The following PTPA variants were observed in gnomAD, a reference collection of about 807,000 sequenced individuals.
PTPA encodes protein phosphatase 2 phosphatase activator.
A neutral mutation model predicts 43.6 loss-of-function variants in PTPA; 13 were observed. The observed-to-expected ratio is 0.30, with a 90% CI of 0.19 to 0.47. The LOEUF (loss-of-function observed/expected upper bound fraction) is 0.47, where lower values mean the gene tolerates loss of function less well. PTPA is among the 20% of genes least tolerant of loss of function. The pLI is 0.99. For missense variants in PTPA, 329 were observed against 411.9 expected (o/e 0.80, Z 1.74); for synonymous variants, 172 against 158.2 (o/e 1.09, Z -0.66).
intron 1 of PTPA, among the ~76,000 whole-genome samples, chr9:129,118,711 C>T (rs1429516985): frequency 1.3e-5 from 2 of 151,182 alleles, no homozygotes; most frequent in Non-Finnish European, 2.9e-5. Context: ...GATGGGGTCT[C>T]GCTGTGTTGC....
intron 3 of PTPA, among the ~76,000 whole-genome samples, chr9:129,128,235 T>C (rs1849710778): frequency 6.6e-6 from 1 of 152,096 alleles, no homozygotes; most frequent in Admixed American, 6.6e-5. Context: ...CAGAAGGGTA[T>C]GTTAAAATGT....
At chr9:129,137,405 G>A (rs774877388) in intron 7 of PTPA, among the ~76,000 whole-genome samples, 187 bp from the exon 8 acceptor site, 2 of 152,236 alleles carry the variant, frequency 1.3e-5, no homozygotes, top group Non-Finnish European at 2.9e-5. Context: ...TGCGTCCAAC[G>A]CCATGCAGCT....
chr9:129,121,000 A>G (rs531663079), intron 2 of PTPA, among the ~76,000 whole-genome samples: 2 of 152,240 alleles, frequency 1.3e-5, no homozygotes, highest in East Asian at 3.9e-4. Context: ...AGGCTATCTC[A>G]TGGAAACTTT....
intron 1 of PTPA, among the ~76,000 whole-genome samples, chr9:129,113,071 A>AC (rs1247530077): frequency 4.0e-5 from 1 of 25,120 alleles, no homozygotes; most frequent in Non-Finnish European, 1.9e-4. Context: ...AAAAAGTCGC[A>AC]AAAAAAAAAA....
chr9:129,118,700 A>T (rs1029479064), intron 1 of PTPA, among the ~76,000 whole-genome samples: 8 of 151,242 alleles, frequency 5.3e-5, no homozygotes, highest in Admixed American at 2.6e-4. Flanking sequence ...TTTAAAGTAG[A>T]GATGGGGTCT....
chr9:129,135,607 A>C (rs906183222), intron 6 of PTPA, among the ~76,000 whole-genome samples: 7 of 152,230 alleles, frequency 4.6e-5, no homozygotes, highest in African/African-American at 1.4e-4. Flanking sequence ...CCAGGTAGTC[A>C]GACTCTGACC....
rs545028610 is a variant in PTPA, at chr9:129,114,256, C to G, written c.31+2625C>G. Among the ~76,000 whole-genome samples the G allele has an allele frequency of 6.6e-5, 10 of 152,324 alleles. 1 individual carries two copies. Among genetic ancestry groups the G allele is most frequent in the African/African-American group, 2.4e-4 (10 of 41,580 alleles). On this transcript the variant is annotated intron_variant, in intron 1 of 9. Transcript: ENST00000393370. ...CAGGCTGGTCTCGAACTCCTGGCCT[C>G]AAGTAATTCACCCGCCTTGGCCACC...
intron 5 of PTPA, among the ~76,000 whole-genome samples, chr9:129,132,525 G>C (rs777953261): frequency 1.3e-5 from 2 of 152,124 alleles, no homozygotes; most frequent in Non-Finnish European, 2.9e-5. Context: ...ATTTGAGACA[G>C]AGTCTCACTC....
intron 8 of PTPA, among the ~76,000 whole-genome samples, chr9:129,138,557 G>A (rs1256251804): frequency 6.6e-6 from 1 of 152,166 alleles, no homozygotes; most frequent in Non-Finnish European, 1.5e-5. Flanking sequence ...CCCTCGCTCA[G>A]CTATCTGGAG....
intron 9 of PTPA, among the ~76,000 whole-genome samples, chr9:129,144,629 C>CTCGGGAGGCAGAGGCAGGAGAATGGCG (rs1851167850): frequency 6.6e-6 from 1 of 151,092 alleles, no homozygotes; most frequent in Admixed American, 6.6e-5. Flanking sequence ...GTCCCAGCTA[C>CTCGGGAGGCAGAGGCAGGAGAATGGCG]TCGGGAGGCA....
chr9:129,128,781 A>G (rs913934386), intron 3 of PTPA, among the ~76,000 whole-genome samples: 3 of 152,158 alleles, frequency 2.0e-5, no homozygotes, highest in Non-Finnish European at 4.4e-5. Context: ...CCATCAGCCT[A>G]GTGTGCTTCC....
chr9:129,136,689 T>A, intron 7 of PTPA, 94 bp downstream of exon 7: 1 of 1,393,740 alleles, frequency 7.2e-7, no homozygotes, highest in Non-Finnish European at 9.6e-7. Context: ...CCTTCCCTTC[T>A]TCCTGCCCAG....
At chr9:129,131,378 C>T in intron 4 of PTPA, 144 bp from the exon 5 acceptor site, 1 of 665,202 alleles carries the variant, frequency 1.5e-6, no homozygotes, top group Non-Finnish European at 2.7e-6. Context: ...TGTCCCTCCC[C>T]TTCCTTCTGT....
At chr9:129,133,506 A>G (rs1427624988) in intron 5 of PTPA, among the ~76,000 whole-genome samples, 1 of 152,252 alleles carries the variant, frequency 6.6e-6, no homozygotes, top group African/African-American at 2.4e-5. Context: ...GAGACAGGAC[A>G]GAAGTATTCT....
chr9:129,142,860 T>C (rs1316709145), intron 9 of PTPA: 2 of 1,525,426 alleles, frequency 1.3e-6, no homozygotes, highest in East Asian at 4.9e-5. Flanking sequence ...CCTTCTCCTT[T>C]ATCAAGTGGC....
chr9:129,112,958 C>T (rs555204738), intron 1 of PTPA, among the ~76,000 whole-genome samples: 89 of 151,652 alleles, frequency 5.9e-4, no homozygotes, highest in African/African-American at 2.1e-3. Context: ...AAAAAAAAAC[C>T]GGGGTGTCCA....
At chr9:129,140,559 C>T (rs541678457) in intron 8 of PTPA, among the ~76,000 whole-genome samples, 88 of 152,324 alleles carry the variant, frequency 5.8e-4, no homozygotes, top group African/African-American at 2.1e-3. Context: ...CGAGGCTGGC[C>T]AGGAGGCAGG....
At position 129,120,502 on chromosome 9, in the gene PTPA, T is replaced by G. The variant is rs563293260; in HGVS notation, c.32-11T>G. Reference sequence around the variant, plus strand: ...ATTTATCTGTTTGTTTTTTCATTTTTTTTTGTCAAGATTCTTCAGAGGAGG... The same window carrying G: ...ATTTATCTGTTTGTTTTTTCATTTTGTTTTGTCAAGATTCTTCAGAGGAGG... On this transcript the variant is annotated splice_polypyrimidine_tract_variant and intron_variant, in intron 1 of 9. Transcript: ENST00000393370. 1.3e-6 allele frequency: 2 copies of G among 1,599,284 alleles called. No homozygotes were observed. The highest frequency in any genetic ancestry group is 1.7e-6 in the Non-Finnish European group (2 of 1,169,268).
At position 129,120,540 on chromosome 9, in the gene PTPA, C is replaced by G; in HGVS notation, c.59C>G (p.Thr20Ser). Reference protein sequence around the residue: ...PDSSEEAPPATQNFIIPKKEI... With the variant: ...PDSSEEAPPASQNFIIPKKEI... Reference sequence around the variant, plus strand: ...TCTTCAGAGGAGGCCCCTCCAGCCACTCAGAACTTCATCATTCCAAAAAAG... The same window carrying G: ...TCTTCAGAGGAGGCCCCTCCAGCCAGTCAGAACTTCATCATTCCAAAAAAG... The change falls in exon 2 of 10, where the codon ACT (threonine) becomes AGT (serine). Residue 20 changes from threonine (T) to serine (S), a missense_variant. Coordinates refer to ENST00000393370, the MANE Select transcript of PTPA (RefSeq NM_178000.3). 1 of 1,613,440 alleles carries G rather than the reference C, an allele frequency of 6.2e-7. No individual in the cohort carries two copies. The highest frequency in any genetic ancestry group is 2.2e-5 in the East Asian group (1 of 44,868).
Sources: allele counts gnomAD v4.1 joint callset (sites outside exome capture counted in the v4.1 genomes callset), GRCh38; gene constraint gnomAD v4.1.1; transcripts MANE v1.5; gene names NCBI Gene and HGNC (gene_info 2026-07-23, HGNC 2026-07-21).